The following CNKSR2 variants were observed in gnomAD, a reference collection of about 807,000 sequenced individuals.
CNKSR2 encodes CNK homolog protein 2.
Under a neutral mutation model 84.4 loss-of-function variants are expected in CNKSR2, and 14 were observed. The ratio of observed to expected loss-of-function variants is 0.17; its 90% CI spans 0.11 to 0.26. The LOEUF is 0.26. Among genes scored for constraint, CNKSR2 ranks in the 10% least tolerant of loss-of-function variants. The pLI is 1.00. For synonymous variants in CNKSR2, 275 were observed against 277.9 expected, an observed-to-expected ratio of 0.99 and a Z score of 0.10; for missense variants, 485 against 771.2, an observed-to-expected ratio of 0.63 and a Z score of 4.40.
chrX:21,548,493 C>G (rs758439460), intron 11 of CNKSR2, among the ~76,000 whole-genome samples: 232 of 111,614 alleles, frequency 2.1e-3, no homozygotes, highest in African/African-American at 7.4e-3. Flanking sequence ...ACCTGAGGTA[C>G]AAAGAGGAGC....
rs989094479 is a variant in CNKSR2 at position 21,563,468 on chromosome X, A to G, written c.1608+16A>G. On this transcript the variant is annotated intron_variant, in intron 13 of 21. Coordinates refer to ENST00000379510, the MANE Select transcript of CNKSR2 (RefSeq NM_014927.5). ...ACTATACCATGTAAGTAAAATTTCAAAGACTCTTCAATACAGCTTTTATTG... is the reference window on the plus strand; with the variant it reads ...ACTATACCATGTAAGTAAAATTTCAGAGACTCTTCAATACAGCTTTTATTG... 7.2e-6 allele frequency: 8 copies of G among 1,118,812 alleles called. No homozygotes were observed. Among genetic ancestry groups the G allele is most frequent in the Admixed American group, 2.3e-5 (1 of 44,395 alleles). The allele number at this position is 1,118,812 out of a possible 1,213,427, so 92.2% of individuals were successfully genotyped here. A position where few individuals can be genotyped will look rare whatever the true frequency, so the allele number is the denominator to read the frequency against.
intron 8 of CNKSR2, among the ~76,000 whole-genome samples, chrX:21,508,214 A>G (rs907753831): frequency 8.9e-6 from 1 of 111,826 alleles, no homozygotes; most frequent in East Asian, 2.8e-4. Flanking sequence ...TTTGTAGTTC[A>G]AACTACTCAG....
At chrX:21,561,666 C>A in intron 12 of CNKSR2, 106 bp downstream of exon 12, 1 of 572,624 alleles carries the variant, frequency 1.7e-6, no homozygotes. Context: ...CTTATTCTAT[C>A]ATTGACTTTA....
At chrX:21,561,366 A>G (rs898034915) in intron 11 of CNKSR2, 105 bp from the exon 12 acceptor site, 4 of 619,211 alleles carry the variant, frequency 6.5e-6, no homozygotes, top group Admixed American at 2.6e-5. Context: ...ATAATGTTGC[A>G]TAAGAGTGAG....
intron 5 of CNKSR2, among the ~76,000 whole-genome samples, chrX:21,488,170 T>C (rs1216618045): frequency 8.9e-6 from 1 of 112,145 alleles, no homozygotes; most frequent in Non-Finnish European, 1.9e-5. Context: ...CTGATCATTG[T>C]AAGATGGTCA....
At chrX:21,551,706 A>G (rs747127365) in intron 11 of CNKSR2, among the ~76,000 whole-genome samples, 1 of 111,891 alleles carries the variant, frequency 8.9e-6, no homozygotes, top group Non-Finnish European at 1.9e-5. Context: ...CAAAGATGCT[A>G]CTAAACATCC....
intron 18 of CNKSR2, among the ~76,000 whole-genome samples, chrX:21,603,875 G>GT (rs2092499401): frequency 9.3e-6 from 1 of 107,677 alleles, no homozygotes; most frequent in South Asian, 4.0e-4. Context: ...TTATCCTTTT[G>GT]TGTCAACATG....
rs1413945141 is a variant in CNKSR2, at chrX:21,609,200, C to T, written c.2275C>T (p.Arg759Cys). The change falls in exon 20 of 22, where the codon CGC becomes TGC. Residue 759 changes from arginine (R) to cysteine (C), a missense_variant. Around this residue, in one of 5 missense-constraint regions of CNKSR2, gnomAD observed 210 missense variants for 291.5 expected, o/e 0.72. Transcript: ENST00000379510. The part of the protein sequence containing the change: ...VTGSSAVSPI[R>C]KTASQRRSWQ... ...TGGGAGCAGTGCAGTGTCTCCCATT[C>T]GCAAGACAGCCAGTCAGCGCCGCTC... 7 of 1,210,554 alleles carry T rather than the reference C, an allele frequency of 5.8e-6. No individual in the cohort carries two copies. The highest frequency in any genetic ancestry group is 7.8e-6 in the Non-Finnish European group (7 of 894,511).
At chrX:21,442,938 G>C (rs1312192118) in intron 4 of CNKSR2, among the ~76,000 whole-genome samples, 1 of 110,689 alleles carries the variant, frequency 9.0e-6, no homozygotes, top group Non-Finnish European at 1.9e-5. Flanking sequence ...ACTTATAAGT[G>C]GGAGCTAAAC....
At chrX:21,625,336 C>T (rs1382597774) in intron 20 of CNKSR2, among the ~76,000 whole-genome samples, 1 of 111,604 alleles carries the variant, frequency 9.0e-6, no homozygotes, top group East Asian at 2.8e-4. Flanking sequence ...GGTACAGAAA[C>T]CTAGCCATTC....
intron 11 of CNKSR2, among the ~76,000 whole-genome samples, chrX:21,536,771 T>G (rs1168680873): frequency 9.1e-6 from 1 of 109,717 alleles, no homozygotes; most frequent in East Asian, 2.8e-4. Flanking sequence ...GTCTGGCTAA[T>G]AATTTATTTT....
chrX:21,399,632 T>C (rs149063027), intron 1 of CNKSR2, among the ~76,000 whole-genome samples: 1 of 111,675 alleles, frequency 9.0e-6, no homozygotes, highest in South Asian at 3.7e-4. Flanking sequence ...ATTCTTTTCA[T>C]TAGGGGATCA....
At chrX:21,478,494 A>G (rs769903768) in intron 5 of CNKSR2, among the ~76,000 whole-genome samples, 2 of 112,085 alleles carry the variant, frequency 1.8e-5, no homozygotes, top group South Asian at 7.4e-4. Flanking sequence ...ATAAGGCAGT[A>G]TATTTATTTA....
intron 13 of CNKSR2, among the ~76,000 whole-genome samples, chrX:21,589,793 C>T (rs2092409644): frequency 9.0e-6 from 1 of 111,194 alleles, no homozygotes; most frequent in South Asian, 3.8e-4. Context: ...TAATGGTATC[C>T]CATGGAAACT....
intron 4 of CNKSR2, among the ~76,000 whole-genome samples, chrX:21,458,760 C>T (rs939803428): frequency 9.0e-6 from 1 of 110,517 alleles, no homozygotes; most frequent in African/African-American, 3.3e-5. Flanking sequence ...CCTCTTCCCA[C>T]CCTCCACCTT....
At chrX:21,413,268 T>G (rs553665574) in intron 1 of CNKSR2, among the ~76,000 whole-genome samples, 8 of 111,255 alleles carry the variant, frequency 7.2e-5, no homozygotes, top group Middle Eastern at 9.2e-3. Flanking sequence ...TGAATAAAAA[T>G]GTATACACAT....
intron 1 of CNKSR2, among the ~76,000 whole-genome samples, chrX:21,379,226 C>G (rs914938900): frequency 8.9e-6 from 1 of 112,631 alleles, no homozygotes; most frequent in Non-Finnish European, 1.9e-5. Context: ...TTTTTCCCGT[C>G]ATAGGACCCA....
intron 1 of CNKSR2, among the ~76,000 whole-genome samples, chrX:21,392,248 T>A (rs2090061312): frequency 8.9e-6 from 1 of 111,968 alleles, no homozygotes; most frequent in African/African-American, 3.3e-5. Flanking sequence ...CAAAACTGCA[T>A]CCACATTTTT....
At chrX:21,422,422 C>T (rs962038999) in intron 1 of CNKSR2, 5 of 111,816 alleles carry the variant, frequency 4.5e-5, no homozygotes. Context: ...ACATCCCTGC[C>T]CCTGATGCTC....
Sources: gnomAD v4.1 joint callset for allele counts (sites outside exome capture counted in the v4.1 genomes callset) on GRCh38, gnomAD v4.1.1 for gene constraint, gnomAD v4.1.1 regional missense constraint, MANE v1.5 for transcripts, NCBI Gene and HGNC (gene_info 2026-07-23, HGNC 2026-07-21) for gene names.